The following SPTBN1 variants were observed in gnomAD, a reference collection of about 807,000 sequenced individuals.
SPTBN1 encodes spectrin beta, non-erythrocytic 1.
SPTBN1 carries 32 observed loss-of-function variants against 266.4 expected under a neutral mutation model. That is an observed-to-expected ratio of 0.12 (90% confidence interval 0.09 to 0.16). The LOEUF is 0.16. Among genes scored for constraint, SPTBN1 ranks in the 10% least tolerant of loss-of-function variants. The pLI, the probability that SPTBN1 is intolerant of heterozygous loss-of-function variation, is 1.00. For synonymous variants in SPTBN1, 1,336 were observed against 1,162.2 expected, an observed-to-expected ratio of 1.15 and a Z score of -3.04; for missense variants, 2,296 against 3,067.1, an observed-to-expected ratio of 0.75 and a Z score of 5.94.
intron 17 of SPTBN1, among the ~76,000 whole-genome samples, 171 bp downstream of exon 17, chr2:54,632,939 C>A (rs1270585804): frequency 6.6e-6 from 1 of 152,226 alleles, no homozygotes; most frequent in Non-Finnish European, 1.5e-5. Context: ...CTGTGCATGA[C>A]TGCCTGAGAA....
Position 54,628,025 on chromosome 2 carries a change from G to A in SPTBN1, c.1645-72G>A. The A allele has an allele frequency of 5.9e-6, 9 of 1,520,664 alleles. No individual in the cohort carries two copies. The highest frequency in any genetic ancestry group is 1.3e-5 in the South Asian group (1 of 76,024). The allele number at this position is 1,520,664 out of a possible 1,614,324, so 94.2% of individuals were successfully genotyped here. On this transcript the variant is annotated intron_variant, in intron 12 of 35. Coordinates refer to ENST00000356805, the MANE Select transcript of SPTBN1 (RefSeq NM_003128.3). The surrounding 1 kb of genome is among the most constrained non-coding windows in gnomAD (Gnocchi z 4.3). ...TAGCTTCATTGCTGGCTCTCTGCTT[G>A]TCGAAAGATGATGTGATGCTGAAGT...
At chr2:54,661,056 C>G (rs141181082) in intron 32 of SPTBN1, 40 of 985,408 alleles carry the variant, frequency 4.1e-5, no homozygotes, top group Admixed American at 1.2e-4. Flanking sequence ...TGCCCCCTGG[C>G]TTCAGAAGTC....
In SPTBN1 at chr2:54,660,647, T is replaced by C. The variant is rs1242084658; in HGVS notation, c.6420+648T>C. On this transcript the variant is annotated intron_variant, in intron 32 of 35. Transcript: ENST00000356805. ...TATATTCTGGAAGCTATTTTAATTTTAGGCACACAATCTCATACATTTTGA... is the reference window on the plus strand; with the variant it reads ...TATATTCTGGAAGCTATTTTAATTTCAGGCACACAATCTCATACATTTTGA... 4.1e-6 allele frequency: 4 copies of C among 985,500 alleles called. No homozygotes were observed. In the East Asian group the frequency reaches 4.5e-4, roughly 112 times the overall value. The allele number at this position is 985,500 out of a possible 1,614,324, so 61.0% of individuals were successfully genotyped here.
chr2:54,596,250 G>A (rs1676085847), intron 2 of SPTBN1, among the ~76,000 whole-genome samples: 1 of 152,142 alleles, frequency 6.6e-6, no homozygotes, highest in Admixed American at 6.5e-5. Flanking sequence ...GGGAGTGCAG[G>A]GGTGATGTCA....
At chr2:54,520,670 C>T (rs896552879) in intron 1 of SPTBN1, among the ~76,000 whole-genome samples, 2 of 115,454 alleles carry the variant, frequency 1.7e-5, no homozygotes, top group African/African-American at 3.3e-5. Flanking sequence ...ACCCCACCCC[C>T]CACCCCACAA....
intron 1 of SPTBN1, among the ~76,000 whole-genome samples, chr2:54,504,168 G>C (rs1393892310): frequency 1.3e-5 from 2 of 152,230 alleles, no homozygotes; most frequent in African/African-American, 4.8e-5. Flanking sequence ...ACTACTTTCT[G>C]AGGTGCCCCC....
chr2:54,638,796 A>G (rs1277429487), intron 18 of SPTBN1, among the ~76,000 whole-genome samples: 2 of 152,180 alleles, frequency 1.3e-5, no homozygotes, highest in Non-Finnish European at 2.9e-5. Context: ...GTATGGGGGT[A>G]GAATCAGGTC....
rs778240602 is a variant in SPTBN1, at chr2:54,643,239, C to T, written c.4005+110C>T. ...ATATCTGATCTTATCTGTACATTTA[C>T]GTAAGTTACACAGCCAGTAATAGCT... On this transcript the variant is annotated intron_variant, in intron 19 of 35. Transcript: ENST00000356805. 417 of 1,463,138 alleles carry T rather than the reference C, an allele frequency of 2.9e-4. 1 individual carries two copies. The highest frequency in any genetic ancestry group is 3.6e-4 in the Non-Finnish European group (389 of 1,088,314). 90.6% of individuals were successfully genotyped at this position (1,463,138 alleles called of 1,614,324 possible).
chr2:54,458,218 G>A (rs1020014808), intron 1 of SPTBN1, among the ~76,000 whole-genome samples: 2 of 152,178 alleles, frequency 1.3e-5, no homozygotes, highest in East Asian at 3.8e-4. Context: ...TAAATGAAAT[G>A]ATTAATGCAT....
intron 2 of SPTBN1, among the ~76,000 whole-genome samples, chr2:54,568,714 A>G (rs1039717053): frequency 6.6e-6 from 1 of 152,202 alleles, no homozygotes; most frequent in Admixed American, 6.5e-5. Context: ...ATTGATATTA[A>G]TGGAGAATCA....
At chr2:54,622,918 G>A (rs1678090092) in intron 9 of SPTBN1, among the ~76,000 whole-genome samples, 1 of 152,166 alleles carries the variant, frequency 6.6e-6, no homozygotes, top group South Asian at 2.1e-4. Flanking sequence ...CATTGCATTA[G>A]ATAAAGAAAG....
At chr2:54,563,826 A>G (rs551729106) in intron 2 of SPTBN1, among the ~76,000 whole-genome samples, 1 of 151,606 alleles carries the variant, frequency 6.6e-6, no homozygotes, top group East Asian at 1.9e-4. Flanking sequence ...CTGGTCTCGA[A>G]CTCCTGACCT....
intron 2 of SPTBN1, among the ~76,000 whole-genome samples, chr2:54,582,432 C>T (rs1390767392): frequency 3.3e-5 from 5 of 151,728 alleles, no homozygotes; most frequent in Non-Finnish European, 5.9e-5. Flanking sequence ...GGCATAGTGG[C>T]GGGCGCCTGT....
At position 54,646,145 on chromosome 2, in the gene SPTBN1, G is replaced by C. The variant is rs373294401; in HGVS notation, c.4585-49G>C. The C allele has an allele frequency of 1.3e-6, 2 of 1,592,770 alleles. No individual in the cohort carries two copies. Among genetic ancestry groups the C allele is most frequent in the South Asian group, 1.1e-5 (1 of 88,052 alleles). Reference sequence around the variant, plus strand: ...CCCTAACAGCTTGACATAAGCAGCAGACGGCTGCCATTTAGCAAGCCTTTG... The same window carrying C: ...CCCTAACAGCTTGACATAAGCAGCACACGGCTGCCATTTAGCAAGCCTTTG... On this transcript the variant is annotated intron_variant, in intron 22 of 35. Transcript: ENST00000356805. This position sits in a 1 kb window ranked among gnomAD's most constrained non-coding sequence, Gnocchi z 4.4.
Position 54,533,512 on chromosome 2 carries a change from A to T in SPTBN1, c.148+6946A>T, listed in dbSNP as rs1379524937. On this transcript the variant is annotated intron_variant, in intron 2 of 35. Transcript: ENST00000356805. This position sits in a 1 kb window ranked among gnomAD's most constrained non-coding sequence, Gnocchi z 4.2. ...TAGGAGGAGGAAACCTATTTACATG[A>T]GACTATATATGTATACAAGTGCCTG... is the stretch of plus-strand genomic sequence containing the variant. 6.6e-6 allele frequency among the ~76,000 whole-genome samples: 1 copy of T among 152,100 alleles called. No individual in the cohort carries two copies. Among genetic ancestry groups the T allele is most frequent in the African/African-American group, 2.4e-5 (1 of 41,418 alleles).
chr2:54,586,307 C>T (rs1325378403), intron 2 of SPTBN1, among the ~76,000 whole-genome samples: 1 of 152,134 alleles, frequency 6.6e-6, no homozygotes, highest in Non-Finnish European at 1.5e-5. Flanking sequence ...GGGTTATGGT[C>T]ACTGGCCAAA....
chr2:54,632,424 A>T, intron 16 of SPTBN1, 142 bp from the exon 17 acceptor site: 3 of 951,914 alleles, frequency 3.2e-6, no homozygotes, highest in Admixed American at 2.7e-5. Flanking sequence ...TTTTCCTCCT[A>T]ACTTTTAATT....
At chr2:54,571,685 G>A (rs75206533) in intron 2 of SPTBN1, among the ~76,000 whole-genome samples, 1 of 132,788 alleles carries the variant, frequency 7.5e-6, no homozygotes, top group African/African-American at 3.6e-5. Flanking sequence ...ACTCCCAGGA[G>A]GATAGTGTGT....
chr2:54,662,156 C>T (rs1321553082), intron 32 of SPTBN1: 2 of 985,196 alleles, frequency 2.0e-6, no homozygotes, highest in African/African-American at 3.5e-5. Context: ...TAAAGAGAAG[C>T]AACGTGGGGG....
Sources: allele counts gnomAD v4.1 joint callset (sites outside exome capture counted in the v4.1 genomes callset), GRCh38; gene constraint gnomAD v4.1.1; non-coding constraint Gnocchi (gnomAD v3.1); transcripts MANE v1.5; gene names NCBI Gene and HGNC (gene_info 2026-07-23, HGNC 2026-07-21).